Variants in PSMD9 observed in about 807,000 individuals in gnomAD.
PSMD9 encodes the protein proteasome 26S subunit, non-ATPase 9, also known as 26S proteasome non-ATPase regulatory subunit 9.
A neutral mutation model predicts 25.9 loss-of-function variants in PSMD9; 26 were observed. That is an observed-to-expected ratio of 1.00 (90% CI 0.73 to 1.39). The LOEUF is 1.39. Ranked by LOEUF, PSMD9 falls within the 40% of genes most tolerant of loss-of-function variation. The probability of loss-of-function intolerance (pLI) is 0.00; values close to 1 mark genes in which losing one functional copy is unlikely to be tolerated. For missense variants in PSMD9, 303 were observed against 299.3 expected (o/e 1.01, Z -0.09); for synonymous variants, 110 against 114.5 (o/e 0.96, Z 0.25).
intron 5 of PSMD9, 51 bp downstream of exon 5, chr12:121,915,995 G>T: frequency 6.4e-7 from 1 of 1,560,114 alleles, no homozygotes; most frequent in Non-Finnish European, 8.8e-7. Context: ...TTGAGTGTTT[G>T]TTAAACATGA....
At position 121,888,800 on chromosome 12, in the gene PSMD9, G is replaced by A. The variant is rs1878956867; in HGVS notation, c.-57G>A. The A allele has an allele frequency of 6.4e-7, 1 of 1,559,228 alleles. No individual in the cohort carries two copies. Among genetic ancestry groups the A allele is most frequent in the East Asian group, 2.3e-5 (1 of 42,642 alleles). The stretch of plus-strand genomic sequence containing the variant: ...GGCGGAGCCGTAGTTACGGTCGACT[G>A]GGGCGTCGTCCCTAGCCCGGGAGCC... On this transcript the variant is annotated 5_prime_UTR_variant, in exon 1 of 6. Coordinates refer to ENST00000541212, the MANE Select transcript of PSMD9 (RefSeq NM_002813.7).
chr12:121,909,380 C>A (rs975417103), intron 4 of PSMD9, among the ~76,000 whole-genome samples: 1 of 151,094 alleles, frequency 6.6e-6, no homozygotes, highest in Non-Finnish European at 1.5e-5. Context: ...GTGGTGCAAT[C>A]ATAGCTCACT....
At chr12:121,906,857 T>C (rs1180443777) in intron 4 of PSMD9, among the ~76,000 whole-genome samples, 6 of 150,396 alleles carry the variant, frequency 4.0e-5, no homozygotes, top group Non-Finnish European at 8.9e-5. Context: ...CTCCAGCTAC[T>C]TGGGAGGCCG....
At chr12:121,904,671 T>TATTATTATTATTATTATC in intron 4 of PSMD9, among the ~76,000 whole-genome samples, 1 of 135,166 alleles carries the variant, frequency 7.4e-6, no homozygotes, top group South Asian at 2.5e-4. Flanking sequence ...TTATTATTAT[T>TATTATTATTATTATTATC]ATTTGAGATG....
Position 121,888,984 on chromosome 12 carries a change from T to G in PSMD9, c.128T>G (p.Val43Gly), listed in dbSNP as rs1565888460. The G allele has an allele frequency of 6.3e-7, 1 of 1,586,662 alleles. No individual in the cohort carries two copies. Among genetic ancestry groups the G allele is most frequent in the South Asian group, 1.1e-5 (1 of 87,406 alleles). The stretch of plus-strand genomic sequence containing the variant: ...GCGCAGATCAAGGCCAACTATGACG[T>G]GCTGGAAAGCGTGAGTGTGGGTTCG... ...IEAQIKANYDVLESQKGIGMN... is the reference protein window; with the variant it reads ...IEAQIKANYDGLESQKGIGMN... The change falls in exon 1 of 6, where the codon GTG becomes GGG. Residue 43 changes from valine to glycine, a missense_variant. Val to Gly is a moderately radical substitution (Grantham distance 109, BLOSUM62 -3). Coordinates refer to ENST00000541212, the MANE Select transcript of PSMD9 (RefSeq NM_002813.7).
At chr12:121,891,854 C>G (rs918104612) in intron 1 of PSMD9, among the ~76,000 whole-genome samples, 1 of 132,532 alleles carries the variant, frequency 7.5e-6, no homozygotes, top group Non-Finnish European at 1.5e-5. Flanking sequence ...TGCAGTGAAC[C>G]AAGACTGCAC....
At chr12:121,901,537 T>C (rs1401950525) in intron 3 of PSMD9, among the ~76,000 whole-genome samples, 4 of 152,020 alleles carry the variant, frequency 2.6e-5, no homozygotes, top group South Asian at 2.1e-4. Context: ...CTTTTTTTTT[T>C]AGAGATGGGT....
chr12:121,892,708 A>AAAAAATT (rs1239286770), intron 1 of PSMD9, among the ~76,000 whole-genome samples: 1 of 152,084 alleles, frequency 6.6e-6, no homozygotes, highest in Admixed American at 6.6e-5. Context: ...CTTTAAAAAA[A>AAAAAATT]AAAAATTAAA....
intron 3 of PSMD9, among the ~76,000 whole-genome samples, chr12:121,900,946 C>T (rs1879375959): frequency 6.8e-6 from 1 of 146,680 alleles, no homozygotes; most frequent in South Asian, 2.2e-4. Flanking sequence ...GATCGTGCCA[C>T]TACACTCCAG....
chr12:121,896,944 T>G (rs780449686), intron 2 of PSMD9, among the ~76,000 whole-genome samples: 2 of 151,926 alleles, frequency 1.3e-5, no homozygotes, highest in Non-Finnish European at 2.9e-5. Flanking sequence ...TACACATACA[T>G]GTGTATATAT....
chr12:121,890,192 CAG>C (rs1300365092), intron 1 of PSMD9, among the ~76,000 whole-genome samples: 3 of 152,192 alleles, frequency 2.0e-5, no homozygotes, highest in East Asian at 3.9e-4. Flanking sequence ...GCTGGGATTA[CAG>C]GCGTGAGCCA....
chr12:121,913,641 G>A (rs940481163), intron 4 of PSMD9, among the ~76,000 whole-genome samples: 16 of 151,096 alleles, frequency 1.1e-4, no homozygotes, highest in Non-Finnish European at 1.5e-4. Context: ...ACAGATGTGC[G>A]TCATCAAGCC....
At chr12:121,897,643 G>T (rs1018029242) in intron 2 of PSMD9, 6 of 149,458 alleles carry the variant, frequency 4.0e-5, no homozygotes, top group Non-Finnish European at 8.8e-5. Flanking sequence ...CAGGTGATCC[G>T]CCCGCCTCGG....
chr12:121,911,064 G>C (rs1879705588), intron 4 of PSMD9: 1 of 441,056 alleles, frequency 2.3e-6, no homozygotes, highest in Admixed American at 2.5e-5. Flanking sequence ...TTTTGAGATG[G>C]TGTCTCGCTC....
chr12:121,904,639 TTTATTATTA>T (rs71082909), intron 4 of PSMD9, among the ~76,000 whole-genome samples: 12 of 138,942 alleles, frequency 8.6e-5, no homozygotes, highest in Admixed American at 2.9e-4. Flanking sequence ...CCATCTGAAA[TTTATTATTA>T]TTATTATTAT....
intron 4 of PSMD9, 58 bp downstream of exon 4, chr12:121,903,165 G>A: frequency 7.1e-7 from 1 of 1,407,606 alleles, no homozygotes; most frequent in South Asian, 1.2e-5. Context: ...GTATGCCATA[G>A]ACTGCGTGGC....
intron 3 of PSMD9, among the ~76,000 whole-genome samples, chr12:121,901,003 A>T (rs1373566489): frequency 6.6e-6 from 1 of 151,212 alleles, no homozygotes; most frequent in Non-Finnish European, 1.5e-5. Context: ...AAAAAAAAAA[A>T]AAAAGGAGAT....
intron 4 of PSMD9, among the ~76,000 whole-genome samples, chr12:121,903,712 G>GTCTC (rs1209855392): frequency 1.4e-5 from 2 of 145,702 alleles, no homozygotes; most frequent in African/African-American, 2.6e-5. Context: ...CCTCTGCCCT[G>GTCTC]TCTCTGTTTT....
intron 5 of PSMD9, 76 bp downstream of exon 5, chr12:121,916,020 G>C (rs1176168974): frequency 2.1e-6 from 3 of 1,462,982 alleles, no homozygotes; most frequent in South Asian, 1.2e-5. Context: ...GGAGGGGAAG[G>C]CTGGGGAGAC....
Sources: gnomAD v4.1 joint callset for allele counts (sites outside exome capture counted in the v4.1 genomes callset) on GRCh38, gnomAD v4.1.1 for gene constraint, MANE v1.5 for transcripts, NCBI Gene and HGNC (gene_info 2026-07-23, HGNC 2026-07-21) for gene names.